The following DMD variants were observed in gnomAD, a reference collection of about 807,000 sequenced individuals.
DMD encodes the protein dystrophin.
DMD carries 63 observed loss-of-function variants against 330.1 expected under a neutral mutation model. The ratio of observed to expected loss-of-function variants is 0.19; its 90% CI spans 0.16 to 0.24. The LOEUF is 0.24. DMD is among the 10% of genes least tolerant of loss of function. The pLI is 1.00. For synonymous variants in DMD, 1,223 were observed against 959.8 expected, an observed-to-expected ratio of 1.27 and a Z score of -5.07; for missense variants, 3,344 against 2,684.1, an observed-to-expected ratio of 1.25 and a Z score of -5.43.
chrX:31,977,865 G>A (rs1159022949), intron 44 of DMD, among the ~76,000 whole-genome samples: 1 of 109,401 alleles, frequency 9.1e-6, no homozygotes, highest in Non-Finnish European at 1.9e-5. Context: ...TCAATGATCT[G>A]TATTTTATTG....
chrX:32,625,265 C>T (rs2058272035), intron 11 of DMD, among the ~76,000 whole-genome samples: 1 of 112,031 alleles, frequency 8.9e-6, no homozygotes, highest in South Asian at 3.7e-4. Flanking sequence ...TATGTGTGCA[C>T]TATAGGTATA....
At chrX:31,123,402 C>G (rs185044779) in intron 78 of DMD, among the ~76,000 whole-genome samples, 88 of 112,299 alleles carry the variant, frequency 7.8e-4, no homozygotes, top group African/African-American at 2.7e-3. Context: ...GCATATGCAA[C>G]TATTCATAAA....
chrX:31,988,245 G>T (rs2095523096), intron 44 of DMD, among the ~76,000 whole-genome samples: 1 of 109,918 alleles, frequency 9.1e-6, no homozygotes. Flanking sequence ...GGCCAAGGTG[G>T]GTGGATCATG....
At chrX:32,877,717 C>T (rs145015170) in intron 2 of DMD, among the ~76,000 whole-genome samples, 7 of 111,820 alleles carry the variant, frequency 6.3e-5, no homozygotes, top group East Asian at 2.8e-4. Context: ...AACAGAGATC[C>T]GGAAGTGCCT....
At chrX:31,484,771 G>A (rs1489039467) in intron 57 of DMD, among the ~76,000 whole-genome samples, 1 of 112,026 alleles carries the variant, frequency 8.9e-6, no homozygotes, top group African/African-American at 3.2e-5. Context: ...CCAACCGGGT[G>A]ACTGATTGTT....
At chrX:31,778,945 T>C (rs768215510) in intron 50 of DMD, among the ~76,000 whole-genome samples, 63 of 111,742 alleles carry the variant, frequency 5.6e-4, no homozygotes, top group Non-Finnish European at 5.8e-4. Flanking sequence ...ATCTAACACA[T>C]ATGCGGTTCT....
chrX:32,652,621 G>A (rs7066579), intron 9 of DMD, among the ~76,000 whole-genome samples: 3 of 110,914 alleles, frequency 2.7e-5, no homozygotes, highest in Non-Finnish European at 1.9e-5. Context: ...CTTTATAGCA[G>A]CATGATTTTT....
intron 44 of DMD, among the ~76,000 whole-genome samples, chrX:32,125,790 T>C (rs2096659017): frequency 9.0e-6 from 1 of 111,192 alleles, no homozygotes; most frequent in African/African-American, 3.3e-5. Flanking sequence ...CTGCGAGTTT[T>C]ATCCATTTGC....
At chrX:32,555,392 G>A (rs2050186212) in intron 16 of DMD, among the ~76,000 whole-genome samples, 1 of 111,824 alleles carries the variant, frequency 8.9e-6, no homozygotes, top group South Asian at 3.7e-4. Context: ...AGATAAGGAT[G>A]CCATCTCTCA....
chrX:33,106,195 T>C (rs2095286354), intron 1 of DMD, among the ~76,000 whole-genome samples: 1 of 110,684 alleles, frequency 9.0e-6, no homozygotes, highest in African/African-American at 3.3e-5. Flanking sequence ...GAAAATCAAA[T>C]ACTGTGTGTT....
At chrX:32,423,487 T>C (rs1468538205) in intron 29 of DMD, among the ~76,000 whole-genome samples, 1 of 110,718 alleles carries the variant, frequency 9.0e-6, no homozygotes, top group Non-Finnish European at 1.9e-5. Context: ...CATGTATATA[T>C]AAATACATGC....
chrX:31,354,707 A>G (rs1468005688), intron 60 of DMD, among the ~76,000 whole-genome samples: 2 of 112,071 alleles, frequency 1.8e-5, no homozygotes, highest in Non-Finnish European at 3.8e-5. Context: ...ATATCACTAC[A>G]TTCATTCAAA....
chrX:32,592,209 C>G (rs994821728), intron 13 of DMD, among the ~76,000 whole-genome samples: 1 of 111,097 alleles, frequency 9.0e-6, no homozygotes, highest in African/African-American at 3.3e-5. Context: ...TGGCCTGAAG[C>G]CTGGGGGCTG....
intron 30 of DMD, among the ~76,000 whole-genome samples, chrX:32,410,486 T>C (rs764910687): frequency 8.9e-6 from 1 of 111,884 alleles, no homozygotes; most frequent in Non-Finnish European, 1.9e-5. Context: ...GGTGATTCAT[T>C]AACTGTAATT....
intron 7 of DMD, among the ~76,000 whole-genome samples, chrX:32,787,252 G>C (rs1170606847): frequency 5.9e-4 from 58 of 98,840 alleles, no homozygotes; most frequent in African/African-American, 2.1e-3. Context: ...GTGTGTGAGA[G>C]AGAGAGAGAG....
chrX:33,162,691 C>T (rs1395887972), intron 1 of DMD, among the ~76,000 whole-genome samples: 1 of 110,733 alleles, frequency 9.0e-6, no homozygotes, highest in Non-Finnish European at 1.9e-5. Context: ...AGAGCCATAG[C>T]CCAAAAGCTA....
chrX:31,953,163 G>A (rs1169598510), intron 45 of DMD, among the ~76,000 whole-genome samples: 2 of 112,358 alleles, frequency 1.8e-5, no homozygotes, highest in Non-Finnish European at 3.8e-5. Flanking sequence ...GGCCTATTAC[G>A]GCTGCCTCAT....
intron 1 of DMD, among the ~76,000 whole-genome samples, chrX:33,044,694 G>T (rs2094352776): frequency 8.9e-6 from 1 of 111,739 alleles, no homozygotes; most frequent in African/African-American, 3.3e-5. Flanking sequence ...AGATGCAAGA[G>T]AATGCTCAGC....
intron 1 of DMD, among the ~76,000 whole-genome samples, chrX:33,256,195 T>C (rs2052853916): frequency 9.0e-6 from 1 of 111,440 alleles, no homozygotes; most frequent in African/African-American, 3.2e-5. Context: ...GCTAGCATGC[T>C]ATACATCATA....
Sources: gnomAD v4.1 joint callset for allele counts (sites outside exome capture counted in the v4.1 genomes callset) on GRCh38, gnomAD v4.1.1 for gene constraint, MANE v1.5 for transcripts, NCBI Gene and HGNC (gene_info 2026-07-23, HGNC 2026-07-21) for gene names.